CD99L2: variants seen among roughly 807,000 people sequenced by gnomAD.
CD99L2 encodes the protein CD99 molecule like 2.
CD99L2 carries 24 observed loss-of-function variants against 27.3 expected under a neutral mutation model. The ratio of observed to expected loss-of-function variants is 0.88; its 90% CI spans 0.64 to 1.24. CD99L2 has a LOEUF of 1.24. CD99L2 is among the 50% of genes most tolerant of loss of function. The pLI, the probability that CD99L2 is intolerant of heterozygous loss-of-function variation, is 0.00. For missense variants in CD99L2, 255 were observed against 221.6 expected (o/e 1.15, Z -0.96); for synonymous variants, 97 against 87.9 (o/e 1.10, Z -0.58).
rs182423218 is a variant in CD99L2, at chrX:150,854,579, T to C, written c.68-23286A>G. Among the ~76,000 whole-genome samples the C allele has an allele frequency of 2.5e-4, 28 of 111,721 alleles. 1 individual carries two copies. The East Asian group carries it at 7.3e-3, about 29-fold the overall frequency. On this transcript the variant is annotated intron_variant, in intron 1 of 10. Coordinates refer to ENST00000370377, the MANE Select transcript of CD99L2 (RefSeq NM_031462.4). ...CTTAACAGAGGTAATCAAGTTAAAA[T>C]GAAGTCATTAGGGTGGGCTCTAATT...
intron 1 of CD99L2, among the ~76,000 whole-genome samples, chrX:150,870,675 T>A (rs1489850061): frequency 2.7e-5 from 3 of 110,942 alleles, no homozygotes; most frequent in African/African-American, 9.8e-5. Context: ...CAGGAACTGC[T>A]GCCACCAGAA....
intron 2 of CD99L2, 65 bp downstream of exon 2, chrX:150,831,166 T>C: frequency 1.2e-6 from 1 of 866,744 alleles, no homozygotes. Context: ...GCATATATTC[T>C]GAGTGGATGA....
At chrX:150,824,707 G>GGAAGAAGAAGAAGAA (rs10695052) in intron 2 of CD99L2, among the ~76,000 whole-genome samples, 58 of 93,645 alleles carry the variant, frequency 6.2e-4, no homozygotes, top group South Asian at 1.2e-3. Flanking sequence ...AAGAGGAAGA[G>GGAAGAAGAAGAAGAA]GAAGAAGAAG....
chrX:150,799,275 ATTAC>A (rs2045864631), intron 4 of CD99L2, among the ~76,000 whole-genome samples: 1 of 109,051 alleles, frequency 9.2e-6, no homozygotes, highest in Admixed American at 9.8e-5. Context: ...AGGCAGGTGG[ATTAC>A]TTGAGTCCAG....
At chrX:150,809,102 G>T (rs951685808) in intron 4 of CD99L2, among the ~76,000 whole-genome samples, 4 of 111,207 alleles carry the variant, frequency 3.6e-5, no homozygotes, top group African/African-American at 1.3e-4. Context: ...GCAGGAAAAG[G>T]CAAGGAAATA....
intron 2 of CD99L2, chrX:150,818,950 T>C (rs1185897137): frequency 1.7e-5 from 6 of 344,960 alleles, no homozygotes; most frequent in Admixed American, 3.0e-5. Flanking sequence ...GGGTGGGGAC[T>C]TCACATGCCA....
chrX:150,776,848 G>A (rs782036410), intron 8 of CD99L2: 45 of 118,959 alleles, frequency 3.8e-4, no homozygotes, highest in Admixed American at 9.0e-4. Flanking sequence ...GCGCCAAGGT[G>A]GCGGGGGCAC....
intron 1 of CD99L2, among the ~76,000 whole-genome samples, chrX:150,844,521 T>C (rs1324586086): frequency 8.9e-6 from 1 of 111,959 alleles, no homozygotes; most frequent in Non-Finnish European, 1.9e-5. Context: ...GTTTGCACCA[T>C]TTTAACTCTT....
intron 7 of CD99L2, among the ~76,000 whole-genome samples, chrX:150,781,364 T>C (rs1210523087): frequency 8.9e-6 from 1 of 112,103 alleles, no homozygotes. Flanking sequence ...TCTTCCTGGA[T>C]CATGAAACAA....
At chrX:150,775,015 C>T (rs2043526181) in intron 9 of CD99L2, among the ~76,000 whole-genome samples, 1 of 112,437 alleles carries the variant, frequency 8.9e-6, no homozygotes, top group African/African-American at 3.2e-5. Flanking sequence ...TCAACGTGCT[C>T]CTGCAGTACT....
At chrX:150,769,163 C>G in intron 10 of CD99L2, 62 bp from the exon 11 acceptor site, 1 of 1,097,910 alleles carries the variant, frequency 9.1e-7, no homozygotes, top group South Asian at 2.2e-5. Flanking sequence ...GAAGCAAATA[C>G]AGCAGCAAGC....
chrX:150,799,440 G>A (rs980048521), intron 4 of CD99L2, among the ~76,000 whole-genome samples: 5 of 108,811 alleles, frequency 4.6e-5, no homozygotes, highest in Non-Finnish European at 7.6e-5. Context: ...GCTTGAGCCC[G>A]GAGATGGAGG....
chrX:150,794,761 CA>C (rs1454910957), intron 6 of CD99L2, among the ~76,000 whole-genome samples: 7 of 111,525 alleles, frequency 6.3e-5, no homozygotes, highest in Non-Finnish European at 1.1e-4. Flanking sequence ...ATACTTCAAC[CA>C]AAACAACATC....
Position 150,795,462 on chromosome X carries a change from G to T in CD99L2, c.302C>A (p.Thr101Lys), listed in dbSNP as rs189223919. The T allele has an allele frequency of 2.1e-5, 25 of 1,209,222 alleles. No individual in the cohort carries two copies. Among genetic ancestry groups the T allele is most frequent in the Non-Finnish European group, 2.8e-5 (25 of 895,057 alleles). ...GRERWNHVTT[T>K]TKRPVTTRAP... is the part of the protein sequence containing the mutation. ...TCTGGTGGTTACTGGCCTCTTGGTCGTGGTGGTTACATGGTTCCATCTCTC... is the reference window on the plus strand; with the variant it reads ...TCTGGTGGTTACTGGCCTCTTGGTCTTGGTGGTTACATGGTTCCATCTCTC... Residue 101 changes from threonine (T) to lysine (K), a missense_variant, in exon 5 of 11, where the codon ACG (threonine) becomes AAG (lysine). Transcript: ENST00000370377.
At chrX:150,786,944 T>C (rs1391008527) in intron 7 of CD99L2, among the ~76,000 whole-genome samples, 3 of 112,395 alleles carry the variant, frequency 2.7e-5, no homozygotes, top group African/African-American at 9.7e-5. Flanking sequence ...GTGGTTTTGA[T>C]TTGCATTTCT....
chrX:150,773,711 C>T (rs1257027557), intron 9 of CD99L2, among the ~76,000 whole-genome samples: 8 of 112,181 alleles, frequency 7.1e-5, no homozygotes, highest in Non-Finnish European at 1.3e-4. Flanking sequence ...GGATATAAAC[C>T]GAGATTGGAA....
In CD99L2 at chrX:150,892,626, A is replaced by G. The variant is rs1395948730; in HGVS notation, c.67+5896T>C. Among the ~76,000 whole-genome samples the G allele has an allele frequency of 3.8e-5, 4 of 106,254 alleles. No individual in the cohort carries two copies. The South Asian group carries it at 1.2e-3, about 33-fold the overall frequency. The allele number at this position is 106,254 out of a possible 115,157, so 92.3% of individuals were successfully genotyped here. A position where few individuals can be genotyped will look rare whatever the true frequency, so the allele number is the denominator to read the frequency against. ...GTCTCAAAAAAAAAAAAAAAAAAAAAAAAAAGAACAGAACAGGAAAGTCGA... is the reference window on the plus strand; with the variant it reads ...GTCTCAAAAAAAAAAAAAAAAAAAAGAAAAAGAACAGAACAGGAAAGTCGA... On this transcript the variant is annotated intron_variant, in intron 1 of 10. Transcript: ENST00000370377.
At chrX:150,786,227 T>TA (rs1294484223) in intron 7 of CD99L2, among the ~76,000 whole-genome samples, 4 of 110,965 alleles carry the variant, frequency 3.6e-5, no homozygotes, top group African/African-American at 1.3e-4. Flanking sequence ...TTTTTTTTTT[T>TA]AAAAAATTTT....
intron 1 of CD99L2, among the ~76,000 whole-genome samples, chrX:150,858,313 G>A (rs1438170015): frequency 8.9e-6 from 1 of 112,136 alleles, no homozygotes; most frequent in African/African-American, 3.2e-5. Flanking sequence ...CATCTAGACA[G>A]AAAATCAACA....
Sources: gnomAD v4.1 joint callset for allele counts (sites outside exome capture counted in the v4.1 genomes callset) on GRCh38, gnomAD v4.1.1 for gene constraint, MANE v1.5 for transcripts, NCBI Gene and HGNC (gene_info 2026-07-23, HGNC 2026-07-21) for gene names.